Variants in ZDHHC16 observed in about 807,000 individuals in gnomAD.
The protein encoded by ZDHHC16 is zDHHC palmitoyltransferase 16, also known as palmitoyltransferase ZDHHC16.
Under a neutral mutation model 54.4 loss-of-function variants are expected in ZDHHC16, and 33 were observed. That is an observed-to-expected ratio of 0.61 (90% CI 0.46 to 0.81). The LOEUF (loss-of-function observed/expected upper bound fraction) is 0.81. Among genes scored for constraint, ZDHHC16 ranks in the 30% least tolerant of loss-of-function variants. ZDHHC16 has a pLI of 0.00. For missense variants in ZDHHC16, 420 were observed against 485.9 expected (o/e 0.86, Z 1.28); for synonymous variants, 185 against 182.1 (o/e 1.02, Z -0.13).
At chr10:97,449,745 G>C (rs533886464) in intron 1 of ZDHHC16, among the ~76,000 whole-genome samples, 49 of 152,164 alleles carry the variant, frequency 3.2e-4, no homozygotes, top group African/African-American at 8.7e-4. Flanking sequence ...GGCCAGGCTG[G>C]TCTCAAACTC....
rs1846624927 is a variant in ZDHHC16, at chr10:97,451,661, G to A, written c.-5-10G>A. The A allele has an allele frequency of 1.2e-6, 2 of 1,602,494 alleles. No homozygotes were observed. The highest frequency in any genetic ancestry group is 1.3e-5 in the African/African-American group (1 of 74,932). ...TCAGACTAGATCCTCACAATGGTGT[G>A]CTCTCGTAGGAACCATGCGAGGCCA... On this transcript the variant is annotated splice_polypyrimidine_tract_variant and intron_variant, in intron 2 of 11. Coordinates refer to ENST00000393760, the MANE Select transcript of ZDHHC16 (RefSeq NM_198046.3).
chr10:97,447,911 G>A (rs1589486999), intron 1 of ZDHHC16, among the ~76,000 whole-genome samples: 2 of 147,726 alleles, frequency 1.4e-5, no homozygotes, highest in East Asian at 2.0e-4. Flanking sequence ...CAACAAGAGT[G>A]AAACTCCATC....
intron 10 of ZDHHC16, 26 bp downstream of exon 10, chr10:97,455,809 G>A: frequency 6.2e-7 from 1 of 1,609,724 alleles, no homozygotes; most frequent in Non-Finnish European, 8.5e-7. Context: ...GGCTCGGGGT[G>A]GGTAGGTGGG....
intron 10 of ZDHHC16, 66 bp from the exon 11 acceptor site, chr10:97,455,908 C>CTTTA (rs777654781): frequency 1.1e-4 from 177 of 1,609,464 alleles, no homozygotes; most frequent in Non-Finnish European, 1.4e-4. Context: ...TCTATCTGAG[C>CTTTA]TTTAGCTTAG....
At chr10:97,456,682 G>A (rs987381016) in intron 11 of ZDHHC16, 95 bp from the exon 12 acceptor site, 6 of 815,560 alleles carry the variant, frequency 7.4e-6, no homozygotes, top group Non-Finnish European at 5.6e-6. Context: ...CACCGAGGTA[G>A]CTTCAGGATA....
chr10:97,453,880 T>C, intron 8 of ZDHHC16, 34 bp downstream of exon 8: 2 of 1,613,852 alleles, frequency 1.2e-6, no homozygotes, highest in East Asian at 4.5e-5. Flanking sequence ...CTCCTGCTGC[T>C]CAGGCCTGGG....
intron 8 of ZDHHC16, 32 bp from the exon 9 acceptor site, chr10:97,454,682 A>C (rs1453725861): frequency 1.2e-6 from 2 of 1,605,692 alleles, no homozygotes; most frequent in Admixed American, 3.3e-5. Flanking sequence ...CCACAGAGCA[A>C]ATGAGCCAGC....
intron 1 of ZDHHC16, 107 bp downstream of exon 1, chr10:97,446,460 C>G (rs1185368894): frequency 1.1e-5 from 2 of 184,912 alleles, no homozygotes; most frequent in South Asian, 2.0e-4. Flanking sequence ...TCTCCTCGCC[C>G]CGCCCTGCGG....
At chr10:97,447,168 C>T (rs532952242) in intron 1 of ZDHHC16, among the ~76,000 whole-genome samples, 2 of 152,348 alleles carry the variant, frequency 1.3e-5, no homozygotes, top group South Asian at 4.1e-4. Context: ...AAAGTTGTTA[C>T]TCTTTTTCTT....
chr10:97,446,840 C>T lies in ZDHHC16; in HGVS notation c.-186+487C>T, dbSNP rs185444625. On this transcript the variant is annotated intron_variant, in intron 1 of 11. Coordinates refer to ENST00000393760, the MANE Select transcript of ZDHHC16 (RefSeq NM_198046.3). ...TCAAGCGATTCTCCTGCCTCAGCCT[C>T]CCGCGCAGCTGGGACTTACAGGCGC... Among the ~76,000 whole-genome samples the T allele has an allele frequency of 5.8e-3, 775 of 132,614 alleles. 4 individuals carry two copies. Among genetic ancestry groups the T allele is most frequent in the Middle Eastern group, 0.026 (7 of 266 alleles). 87.0% of individuals were successfully genotyped at this position (132,614 alleles called of 152,430 possible). A position where few individuals can be genotyped will look rare whatever the true frequency, so the allele number is the denominator to read the frequency against.
At chr10:97,453,375 A>G (rs1846831765) in intron 6 of ZDHHC16, among the ~76,000 whole-genome samples, 155 bp from the exon 7 acceptor site, 1 of 152,142 alleles carries the variant, frequency 6.6e-6, no homozygotes, top group Admixed American at 6.5e-5. Context: ...CTTGGGTGTG[A>G]ACAGTCTTGT....
rs1244637367 is a variant in ZDHHC16, at chr10:97,451,747, CAG to C, written c.73_74del (p.Arg25AlafsTer33). 6.2e-7 allele frequency: 1 copy of C among 1,613,912 alleles called. No homozygotes were observed. Among genetic ancestry groups the C allele is most frequent in the Non-Finnish European group, 8.5e-7 (1 of 1,180,024 alleles). ...CLRLLLLLGY[R>X]RRCPPLLRGL... ...TCCGCCTCCTTCTGCTGCTGGGTTA[CAG>C]GCGCCGCTGTCCACCTCTACTCCGG... On this transcript the variant is annotated frameshift_variant, in exon 3 of 12. Transcript: ENST00000393760. LOFTEE classifies it high-confidence loss of function.
In ZDHHC16 at chr10:97,449,861, C is replaced by CTTTTTTTTTTTTTTTTT. The variant is rs35173837; in HGVS notation, c.-185-491_-185-475dup. On this transcript the variant is annotated intron_variant, in intron 1 of 11. Transcript: ENST00000393760. ...TCTCTTTTCTACACTCCCCTTAATTCTTTTTTTTTTTTTTTTTTTTTGAGA... is the reference window on the plus strand; with the variant it reads ...TCTCTTTTCTACACTCCCCTTAATTCTTTTTTTTTTTTTTTTTTTTTTTTTTTTTTTTTTTTTTGAGA... Among the ~76,000 whole-genome samples the CTTTTTTTTTTTTTTTTT allele has an allele frequency of 4.4e-4, 36 of 81,530 alleles. 1 individual carries two copies. Among genetic ancestry groups the CTTTTTTTTTTTTTTTTT allele is most frequent in the African/African-American group, 8.2e-4 (14 of 17,026 alleles). 53.5% of individuals were successfully genotyped at this position (81,530 alleles called of 152,430 possible).
Position 97,456,968 on chromosome 10 carries a change from T to C in ZDHHC16, c.*77T>C. ...TTCAAGGGCCTCCAAGGGCAGCTTT[T>C]CTCAGAATCCTTGATCAAAAAGAGC... is the stretch of plus-strand genomic sequence containing the variant. On this transcript the variant is annotated 3_prime_UTR_variant, in exon 12 of 12. Transcript: ENST00000393760. 8.2e-7 allele frequency: 1 copy of C among 1,220,056 alleles called. No individual in the cohort carries two copies. The highest frequency in any genetic ancestry group is 1.1e-6 in the Non-Finnish European group (1 of 891,084). The allele number at this position is 1,220,056 out of a possible 1,614,324, so 75.6% of individuals were successfully genotyped here. A position where few individuals can be genotyped will look rare whatever the true frequency, so the allele number is the denominator to read the frequency against.
At chr10:97,449,933 G>A (rs979324931) in intron 1 of ZDHHC16, among the ~76,000 whole-genome samples, 6 of 141,690 alleles carry the variant, frequency 4.2e-5, no homozygotes, top group Non-Finnish European at 9.0e-5. Context: ...CTGCAGTGGC[G>A]CAATCTCGGC....
chr10:97,447,691 G>A (rs1392020316), intron 1 of ZDHHC16, among the ~76,000 whole-genome samples: 1 of 152,208 alleles, frequency 6.6e-6, no homozygotes. Context: ...GGAGGCTGAG[G>A]CAAGCACATC....
At position 97,456,919 on chromosome 10, in the gene ZDHHC16, C is replaced by T. The variant is rs1847328476; in HGVS notation, c.*28C>T. The T allele has an allele frequency of 6.5e-7, 1 of 1,548,232 alleles. No homozygotes were observed. The highest frequency in any genetic ancestry group is 8.8e-7 in the Non-Finnish European group (1 of 1,136,592). On this transcript the variant is annotated 3_prime_UTR_variant, in exon 12 of 12. Transcript: ENST00000393760. ...TGGACTGTGTCAGCCACGACTCGAG[C>T]ACTCATTCTGCTCCCTATGTTATTT...
intron 3 of ZDHHC16, 51 bp downstream of exon 3, chr10:97,451,969 A>T (rs778741069): frequency 6.3e-7 from 1 of 1,590,894 alleles, no homozygotes; most frequent in African/African-American, 1.3e-5. Flanking sequence ...GAGCAGAGGG[A>T]CATGTCTCTC....
intron 10 of ZDHHC16, 78 bp downstream of exon 10, chr10:97,455,861 G>A (rs1847126283): frequency 1.9e-6 from 3 of 1,601,726 alleles, no homozygotes; most frequent in South Asian, 2.2e-5. Flanking sequence ...CATGGGCAGG[G>A]CTGACTAGGG....
Sources: allele counts gnomAD v4.1 joint callset (sites outside exome capture counted in the v4.1 genomes callset), GRCh38; gene constraint gnomAD v4.1.1; transcripts MANE v1.5; gene names NCBI Gene and HGNC (gene_info 2026-07-23, HGNC 2026-07-21).